The following TENM1 variants were observed in gnomAD, a reference collection of about 807,000 sequenced individuals.
The protein encoded by TENM1 is teneurin-1.
Under a neutral mutation model 174.8 loss-of-function variants are expected in TENM1, and 35 were observed. That is an observed-to-expected ratio of 0.20 (90% CI 0.15 to 0.27). The LOEUF is 0.27. Ranked by LOEUF, TENM1 falls within the 10% of genes least tolerant of loss-of-function variation. TENM1 has a pLI of 1.00. For missense variants in TENM1, 1,633 were observed against 2,130.1 expected (o/e 0.77, Z 4.59); for synonymous variants, 781 against 798.7 (o/e 0.98, Z 0.37).
At chrX:125,040,328 T>C in the TENM1 span, among the ~76,000 whole-genome samples, 1 of 110,616 alleles carries the variant, frequency 9.0e-6, no homozygotes, top group African/African-American at 3.3e-5. Flanking sequence ...AAACCTCAGG[T>C]CCCCACAAAA....
chrX:124,931,970 T>G (rs146239229), intron 1 of TENM1, among the ~76,000 whole-genome samples: 2,597 of 111,216 alleles, frequency 0.023, 32 homozygotes, highest in South Asian at 0.038. Context: ...CTGTGGATGC[T>G]CACTTAAGAA....
intron 22 of TENM1, among the ~76,000 whole-genome samples, chrX:124,462,440 T>TG (rs1569532927): frequency 1.9e-4 from 1 of 5,241 alleles, no homozygotes; most frequent in African/African-American, 4.1e-4. Context: ...GTGGGGGGGG[T>TG]GGGGGTGGGG....
chrX:124,685,137 A>AAAC (rs3060647), intron 5 of TENM1, among the ~76,000 whole-genome samples: 20,952 of 105,970 alleles, frequency 0.2, 2,041 homozygotes, highest in African/African-American at 0.32. Context: ...AGCAAAAAAC[A>AAAC]AACAACAACA....
At chrX:125,048,981 T>G in the TENM1 span, among the ~76,000 whole-genome samples, 33 of 111,979 alleles carry the variant, frequency 2.9e-4, no homozygotes, top group East Asian at 7.6e-3. Context: ...TACATATAAT[T>G]GTTGTGAACA....
At chrX:124,992,450 C>T in the TENM1 span, among the ~76,000 whole-genome samples, 269 of 111,432 alleles carry the variant, frequency 2.4e-3, no homozygotes, top group African/African-American at 7.9e-3. Context: ...TCCCATTCTC[C>T]CCGAAGACTA....
At chrX:124,716,545 G>T (rs780304480) in intron 4 of TENM1, among the ~76,000 whole-genome samples, 1 of 112,112 alleles carries the variant, frequency 8.9e-6, no homozygotes, top group Non-Finnish European at 1.9e-5. Flanking sequence ...GCAGGAGAGG[G>T]CTCTCCCTAT....
chrX:124,720,668 GTT>G (rs894781027), intron 4 of TENM1, among the ~76,000 whole-genome samples: 6 of 112,069 alleles, frequency 5.4e-5, no homozygotes, highest in African/African-American at 1.9e-4. Flanking sequence ...TTCACAAAGG[GTT>G]TTGTTTTAAA....
At chrX:124,468,132 C>T (rs2061260289) in intron 22 of TENM1, among the ~76,000 whole-genome samples, 1 of 110,967 alleles carries the variant, frequency 9.0e-6, no homozygotes, top group South Asian at 3.8e-4. Flanking sequence ...ATGCATCCAC[C>T]ACCAAAATTT....
chrX:124,896,980 A>G (rs1456071430), intron 1 of TENM1, among the ~76,000 whole-genome samples: 1 of 111,744 alleles, frequency 8.9e-6, no homozygotes, highest in Non-Finnish European at 1.9e-5. Flanking sequence ...AGAACCTTAA[A>G]GATGATGCAA....
the TENM1 span, among the ~76,000 whole-genome samples, chrX:124,977,739 C>T: frequency 9.0e-6 from 1 of 110,649 alleles, no homozygotes; most frequent in African/African-American, 3.3e-5. Flanking sequence ...TGGTCTCTTC[C>T]ACTTGGCTTC....
chrX:124,419,809 A>G lies in TENM1; in HGVS notation c.4982+502T>C, dbSNP rs138534660. 7.7e-3 allele frequency among the ~76,000 whole-genome samples: 858 copies of G among 111,527 alleles called. 9 individuals carry two copies. The highest frequency in any genetic ancestry group is 0.026 in the African/African-American group (804 of 30,651). On this transcript the variant is annotated intron_variant, in intron 25 of 31. Transcript: ENST00000422452. ...CCACATAATTCTTCTCTTGCTTTCC[A>G]GGGTCCACTTCTTATATTTGAACTT...
the TENM1 span, among the ~76,000 whole-genome samples, chrX:125,013,830 G>A: frequency 1.8e-5 from 2 of 111,698 alleles, no homozygotes; most frequent in Non-Finnish European, 3.8e-5. Flanking sequence ...TGTAAACTCT[G>A]GACTACTACA....
rs189043175 is a variant in TENM1 at position 124,750,169 on chromosome X, C to T, written c.536-12972G>A. Among the ~76,000 whole-genome samples, 4 of 111,570 alleles carry T rather than the reference C, an allele frequency of 3.6e-5. No homozygotes were observed. In the East Asian group the frequency reaches 1.1e-3, roughly 32 times the overall value. ...TAGGAAGAAAAGAAAAACATGTCCC[C>T]TTCCTCTGTTGGAACAGTAGACCAA... On this transcript the variant is annotated intron_variant, in intron 3 of 31. Transcript: ENST00000422452.
chrX:124,969,724 G>T, the TENM1 span, among the ~76,000 whole-genome samples: 1 of 111,439 alleles, frequency 9.0e-6, no homozygotes, highest in Non-Finnish European at 1.9e-5. Context: ...AATTCCTACA[G>T]TCTGTCTCCA....
intron 3 of TENM1, among the ~76,000 whole-genome samples, chrX:124,831,084 G>A (rs1038328816): frequency 4.5e-5 from 5 of 111,384 alleles, no homozygotes; most frequent in African/African-American, 1.6e-4. Context: ...ACCTTATCCC[G>A]AAAGCAACAC....
chrX:125,149,825 T>G, the TENM1 span, among the ~76,000 whole-genome samples: 1 of 111,707 alleles, frequency 9.0e-6, no homozygotes, highest in African/African-American at 3.3e-5. Context: ...GGCACTGAAT[T>G]AGGATGACAG....
chrX:124,522,556 GC>G (rs2047874596), intron 17 of TENM1, among the ~76,000 whole-genome samples: 1 of 94,094 alleles, frequency 1.1e-5, no homozygotes, highest in Admixed American at 1.1e-4. Context: ...CAGAAGCAAA[GC>G]TTTTTTAAAA....
At chrX:124,931,008 G>C (rs1325348031) in intron 1 of TENM1, among the ~76,000 whole-genome samples, 1 of 111,524 alleles carries the variant, frequency 9.0e-6, no homozygotes, top group Non-Finnish European at 1.9e-5. Context: ...TGAAAGCCAA[G>C]CATGTGGCGA....
intron 11 of TENM1, among the ~76,000 whole-genome samples, chrX:124,589,927 G>A (rs2843503): frequency 0.21 from 22,979 of 109,843 alleles, 1,877 homozygotes; most frequent in South Asian, 0.31. Flanking sequence ...TTCTGCTCTG[G>A]TTTTAGTCAT....
Sources: gnomAD v4.1 joint callset for allele counts (sites outside exome capture counted in the v4.1 genomes callset) on GRCh38, gnomAD v4.1.1 for gene constraint, MANE v1.5 for transcripts, NCBI Gene and HGNC (gene_info 2026-07-23, HGNC 2026-07-21) for gene names.